Variants in TMEM259 observed in about 807,000 individuals in gnomAD.
The protein encoded by TMEM259 is membralin.
Under a neutral mutation model 46.7 loss-of-function variants are expected in TMEM259, and 26 were observed. The ratio of observed to expected loss-of-function variants is 0.56; its 90% CI spans 0.41 to 0.77. The LOEUF (loss-of-function observed/expected upper bound fraction) is 0.77, where lower values mean the gene tolerates loss of function less well. Among genes scored for constraint, TMEM259 ranks in the 30% least tolerant of loss-of-function variants. The pLI, the probability that TMEM259 is intolerant of heterozygous loss-of-function variation, is 0.00. For missense variants in TMEM259, 930 were observed against 900.5 expected (o/e 1.03, Z -0.42); for synonymous variants, 494 against 395.1 (o/e 1.25, Z -2.97).
At position 1,011,214 on chromosome 19, in the gene TMEM259, G is replaced by A. The variant is rs755239590; in HGVS notation, c.1218-19C>T. On this transcript the variant is annotated intron_variant, in intron 9 of 10. Transcript: ENST00000356663. ...GAAGAACCTGCGGGGCGGGGTGAGGGCGTCGGGGCTGCAGGTCCCACCCTG... is the reference window on the plus strand; with the variant it reads ...GAAGAACCTGCGGGGCGGGGTGAGGACGTCGGGGCTGCAGGTCCCACCCTG... 2 of 1,569,892 alleles carry A rather than the reference G, an allele frequency of 1.3e-6. No individual in the cohort carries two copies. The highest frequency in any genetic ancestry group is 8.6e-7 in the Non-Finnish European group (1 of 1,158,132).
At chr19:1,011,864 GC>G (rs2038941221) in intron 6 of TMEM259, 27 bp downstream of exon 6, 1 of 1,588,736 alleles carries the variant, frequency 6.3e-7, no homozygotes, top group Non-Finnish European at 8.6e-7. Flanking sequence ...CGCCCGGCCA[GC>G]CCCCGCACCC....
chr19:1,010,400 T>C lies in TMEM259; in HGVS notation c.1813A>G (p.Ser605Gly). The C allele has an allele frequency of 6.6e-7, 1 of 1,516,864 alleles. No individual in the cohort carries two copies. Among genetic ancestry groups the C allele is most frequent in the East Asian group, 2.4e-5 (1 of 41,012 alleles). 94.0% of individuals were successfully genotyped at this position (1,516,864 alleles called of 1,614,324 possible). A position where few individuals can be genotyped will look rare whatever the true frequency, so the allele number is the denominator to read the frequency against. ...TCCGTTGGGGCCATGGAGGCCGGGC[T>C]AGGCCCGCCTACCGCAGCCCCCAGG... is the stretch of plus-strand genomic sequence containing the variant. ...TPLGAAVGGP[S>G]PASMAPTEAP... is the part of the protein sequence containing the mutation. Residue 605 changes from serine to glycine, a missense_variant, in exon 11 of 11, where the codon AGC becomes GGC. Transcript: ENST00000356663.
In TMEM259 at chr19:1,020,558, C is replaced by T. The variant is rs2039258884; in HGVS notation, c.225+214G>A. On this transcript the variant is annotated intron_variant, in intron 1 of 10. Coordinates refer to ENST00000356663, the MANE Select transcript of TMEM259 (RefSeq NM_001033026.2). This position sits in a 1 kb window ranked among gnomAD's most constrained non-coding sequence, Gnocchi z 4.0. ...TCCGGCCTTCCCGGGTGGACGTCCCCGGGCGGGATGGGGTCACGAGACGGT... is the reference window on the plus strand; with the variant it reads ...TCCGGCCTTCCCGGGTGGACGTCCCTGGGCGGGATGGGGTCACGAGACGGT... Among the ~76,000 whole-genome samples, 1 of 151,976 alleles carries T rather than the reference C, an allele frequency of 6.6e-6. No individual in the cohort carries two copies. The highest frequency in any genetic ancestry group is 1.5e-5 in the Non-Finnish European group (1 of 67,988).
At position 1,010,209 on chromosome 19, in the gene TMEM259, G is replaced by A. The variant is rs2038854343; in HGVS notation, c.*141C>T. ...CAGGGGGAGGAAAGCCGCCTTCCGG[G>A]CAAACCCCACGAAACCCTGAAAGCC... is the stretch of plus-strand genomic sequence containing the variant. On this transcript the variant is annotated 3_prime_UTR_variant, in exon 11 of 11. Transcript: ENST00000356663. The A allele has an allele frequency of 1.2e-6, 1 of 825,542 alleles. No homozygotes were observed. The highest frequency in any genetic ancestry group is 3.1e-5 in the East Asian group (1 of 31,966). 51.1% of individuals were successfully genotyped at this position (825,542 alleles called of 1,614,324 possible). A position where few individuals can be genotyped will look rare whatever the true frequency, so the allele number is the denominator to read the frequency against.
Position 1,010,748 on chromosome 19 carries a change from G to A in TMEM259, c.1465C>T (p.Pro489Ser). 4 of 1,534,748 alleles carry A rather than the reference G, an allele frequency of 2.6e-6. No individual in the cohort carries two copies. In the South Asian group the frequency reaches 4.8e-5, roughly 18 times the overall value. Reference protein sequence around the residue: ...PDDMNNNSGAPATAPDSAGQP... With the variant: ...PDDMNNNSGASATAPDSAGQP... ...CCGGCAGAGTCAGGGGCTGTAGCCGGGGCGCCCGAGTTGTTGTTCATGTCA... is the reference window on the plus strand; with the variant it reads ...CCGGCAGAGTCAGGGGCTGTAGCCGAGGCGCCCGAGTTGTTGTTCATGTCA... Residue 489 changes from proline to serine, a missense_variant, in exon 11 of 11, where the codon CCG becomes TCG. Coordinates refer to ENST00000356663, the MANE Select transcript of TMEM259 (RefSeq NM_001033026.2).
At chr19:1,019,175 G>A (rs2039205240) in intron 1 of TMEM259, among the ~76,000 whole-genome samples, 1 of 152,086 alleles carries the variant, frequency 6.6e-6, no homozygotes, top group Non-Finnish European at 1.5e-5. Flanking sequence ...AGATGGAGCC[G>A]GGTAGGCTTG....
At chr19:1,019,006 A>T (rs1390372919) in intron 1 of TMEM259, among the ~76,000 whole-genome samples, 1 of 140,524 alleles carries the variant, frequency 7.1e-6, no homozygotes, top group East Asian at 2.0e-4. Flanking sequence ...AAAAAAAAAA[A>T]TTCACCACCC....
Position 1,010,051 on chromosome 19 carries a change from TC to T in TMEM259, c.*298del. On this transcript the variant is annotated 3_prime_UTR_variant, in exon 11 of 11. Coordinates refer to ENST00000356663, the MANE Select transcript of TMEM259 (RefSeq NM_001033026.2). ...AGAGACCTGCACCATGGGACCCCAC[TC>T]CATCCTCAGGACGGTTCACTGCAGA... The T allele has an allele frequency of 2.5e-6, 1 of 397,240 alleles. No homozygotes were observed. The highest frequency in any genetic ancestry group is 5.4e-5 in the South Asian group (1 of 18,578). The allele number at this position is 397,240 out of a possible 1,614,324, so 24.6% of individuals were successfully genotyped here.
intron 4 of TMEM259, 27 bp from the exon 5 acceptor site, chr19:1,012,215 G>C (rs983603704): frequency 5.1e-6 from 8 of 1,581,688 alleles, no homozygotes; most frequent in Non-Finnish European, 6.9e-6. Context: ...CAGGGAGCCG[G>C]GAGCCCCGCC....
At chr19:1,013,553 A>G in intron 2 of TMEM259, 2 of 548,540 alleles carry the variant, frequency 3.6e-6, no homozygotes, top group Non-Finnish European at 6.6e-6. Context: ...TCTCCAGCAC[A>G]GCTCTGAATC....
intron 10 of TMEM259, 96 bp from the exon 11 acceptor site, chr19:1,010,991 C>A: frequency 6.5e-7 from 1 of 1,546,088 alleles, no homozygotes; most frequent in Non-Finnish European, 8.7e-7. Context: ...TCCACGCTAC[C>A]TCTGCCCGCT....
chr19:1,012,287 G>C (rs2038960843), intron 4 of TMEM259, 99 bp from the exon 5 acceptor site: 1 of 1,513,926 alleles, frequency 6.6e-7, no homozygotes, highest in African/African-American at 1.4e-5. Context: ...CTGCTTCCTG[G>C]CCCTGCCCAT....
rs765551805 is a variant in TMEM259 at position 1,011,358 on chromosome 19, C to A, written c.1217+9G>T. 6.4e-7 allele frequency: 1 copy of A among 1,571,138 alleles called. No homozygotes were observed. Among genetic ancestry groups the A allele is most frequent in the Non-Finnish European group, 8.6e-7 (1 of 1,160,068 alleles). ...CACCCACTCCACCCTGCCCCCGCGC[C>A]ACGCTCACCGCAGCCAATGCCGCTT... On this transcript the variant is annotated intron_variant, in intron 9 of 10. Transcript: ENST00000356663.
rs774806886 is a variant in TMEM259 at position 1,011,915 on chromosome 19, C to T, written c.919G>A (p.Ala307Thr). 19 of 1,610,406 alleles carry T rather than the reference C, an allele frequency of 1.2e-5. No individual in the cohort carries two copies. In the East Asian group the frequency reaches 3.6e-4, roughly 30 times the overall value. ...ACGAAGATGACCATGATGGCGAAGGCGGCCAGGTAGGACGTCCGCGCCATC... is the reference window on the plus strand; with the variant it reads ...ACGAAGATGACCATGATGGCGAAGGTGGCCAGGTAGGACGTCCGCGCCATC... ...MWMARTSYLA[A>T]FAIMVIFTLS... Residue 307 changes from alanine (A) to threonine (T), a missense_variant, in exon 6 of 11, where the codon GCC becomes ACC. Transcript: ENST00000356663.
chr19:1,010,808 G>T lies in TMEM259; in HGVS notation c.1405C>A (p.Pro469Thr), dbSNP rs1058810. 32,394 of 1,580,220 alleles carry T rather than the reference G, an allele frequency of 0.02. 579 individuals are homozygous for T. Among genetic ancestry groups the T allele is most frequent in the East Asian group, 0.1 (4,344 of 43,644 alleles). ...RIQEMLLQAPPLGPGTPTALP... is the reference protein window; with the variant it reads ...RIQEMLLQAPTLGPGTPTALP... ...GCCGTGGGGGTCCCGGGGCCCAGTG[G>T]CGGCGCCTGAAGCAGCATCTCCTGG... is the stretch of plus-strand genomic sequence containing the variant. Residue 469 changes from proline to threonine, a missense_variant, in exon 11 of 11, where the codon CCA (proline) becomes ACA (threonine). Coordinates refer to ENST00000356663, the MANE Select transcript of TMEM259 (RefSeq NM_001033026.2).
Position 1,012,543 on chromosome 19 carries a change from T to A in TMEM259, c.638A>T (p.Tyr213Phe). ...GCGAAGGAAGCCATACTCTAGTGAG[T>A]ACTCCACGATGTACTCGTCCTGCGG... ...VWPQDEYIVE[Y>F]SLEYGFLRLS... The change falls in exon 4 of 11, where the codon TAC becomes TTC. Residue 213 changes from tyrosine (Y) to phenylalanine (F), a missense_variant. Coordinates refer to ENST00000356663, the MANE Select transcript of TMEM259 (RefSeq NM_001033026.2). The A allele has an allele frequency of 1.3e-6, 2 of 1,597,478 alleles. No homozygotes were observed. The highest frequency in any genetic ancestry group is 1.7e-6 in the Non-Finnish European group (2 of 1,173,182).
rs1217146230 is a variant in TMEM259, at chr19:1,010,440, A to C, written c.1773T>G (p.Ala591=). The stretch of plus-strand genomic sequence containing the variant: ...CAGCCCCCAGGGGAGTTGTGTCAGA[A>C]GCTGCGGAGTCACTCGGGGGGACAC... ...QDSVPPSDSA[A]SDTTPLGAAV... is the part of the protein sequence containing the mutation. Residue 591 remains alanine (A), a synonymous_variant, in exon 11 of 11, where the codon GCT becomes GCG. Transcript: ENST00000356663. 1 of 1,533,372 alleles carries C rather than the reference A, an allele frequency of 6.5e-7. No individual in the cohort carries two copies. Among genetic ancestry groups the C allele is most frequent in the African/African-American group, 1.4e-5 (1 of 71,686 alleles). The allele number at this position is 1,533,372 out of a possible 1,614,324, so 95.0% of individuals were successfully genotyped here. A position where few individuals can be genotyped will look rare whatever the true frequency, so the allele number is the denominator to read the frequency against.
rs1280710710 is a variant in TMEM259, at chr19:1,018,822, C to T, written c.225+1950G>A. Reference sequence around the variant, plus strand: ...CCAACATGGCAAAACCCAGTCTCTACTAAAAAGACAAAAAAATTAGCCGGT... The same window carrying T: ...CCAACATGGCAAAACCCAGTCTCTATTAAAAAGACAAAAAAATTAGCCGGT... On this transcript the variant is annotated intron_variant, in intron 1 of 10. Coordinates refer to ENST00000356663, the MANE Select transcript of TMEM259 (RefSeq NM_001033026.2). Among the ~76,000 whole-genome samples, 10 of 152,150 alleles carry T rather than the reference C, an allele frequency of 6.6e-5. No individual in the cohort carries two copies. In the East Asian group the frequency reaches 1.7e-3, roughly 26 times the overall value.
rs917342097 is a variant in TMEM259, at chr19:1,010,025, C to T, written c.*325G>A. On this transcript the variant is annotated 3_prime_UTR_variant, in exon 11 of 11. Transcript: ENST00000356663. The stretch of plus-strand genomic sequence containing the variant: ...CTCTCCTCCACACCTCCGCCTTGCT[C>T]AGAGACCTGCACCATGGGACCCCAC... 1 of 368,920 alleles carries T rather than the reference C, an allele frequency of 2.7e-6. No individual in the cohort carries two copies. Among genetic ancestry groups the T allele is most frequent in the African/African-American group, 2.1e-5 (1 of 47,020 alleles). The allele number at this position is 368,920 out of a possible 1,614,324, so 22.9% of individuals were successfully genotyped here.
Sources: gnomAD v4.1 joint callset for allele counts (sites outside exome capture counted in the v4.1 genomes callset) on GRCh38, gnomAD v4.1.1 for gene constraint, Gnocchi (gnomAD v3.1) non-coding constraint, MANE v1.5 for transcripts, NCBI Gene and HGNC (gene_info 2026-07-23, HGNC 2026-07-21) for gene names.